Variants in AQP9 observed in about 807,000 individuals in gnomAD.
AQP9 encodes the protein aquaporin 9.
Under a neutral mutation model 23.8 loss-of-function variants are expected in AQP9, and 19 were observed. The observed-to-expected ratio is 0.80, with a 90% CI of 0.56 to 1.17. The LOEUF (loss-of-function observed/expected upper bound fraction) is 1.17. AQP9 is among the 50% of genes most tolerant of loss of function. The probability of loss-of-function intolerance (pLI) is 0.00; values close to 1 mark genes in which losing one functional copy is unlikely to be tolerated. For synonymous variants in AQP9, 153 were observed against 131.5 expected, an observed-to-expected ratio of 1.16 and a Z score of -1.12; for missense variants, 413 against 362.0, an observed-to-expected ratio of 1.14 and a Z score of -1.14.
At chr15:58,143,750 C>T (rs1372579442) in intron 1 of AQP9, among the ~76,000 whole-genome samples, 9 of 152,120 alleles carry the variant, frequency 5.9e-5, no homozygotes, top group African/African-American at 2.2e-4. Flanking sequence ...TTTATGTACC[C>T]ATCGCCCTCT....
chr15:58,158,594 G>C (rs1233320049), intron 1 of AQP9, among the ~76,000 whole-genome samples: 1 of 152,134 alleles, frequency 6.6e-6, no homozygotes, highest in African/African-American at 2.4e-5. Flanking sequence ...ACCCTAAACA[G>C]ATGAGTCAAG....
intron 1 of AQP9, among the ~76,000 whole-genome samples, chr15:58,143,670 T>C (rs952961835): frequency 1.3e-5 from 2 of 152,226 alleles, no homozygotes; most frequent in Non-Finnish European, 2.9e-5. Flanking sequence ...CTTATACATC[T>C]TCTCCAATTT....
At position 58,138,504 on chromosome 15, in the gene AQP9, G is replaced by A. The variant is rs1897895546; in HGVS notation, c.-62G>A. The A allele has an allele frequency of 7.3e-7, 1 of 1,365,898 alleles. No individual in the cohort carries two copies. Among genetic ancestry groups the A allele is most frequent in the Non-Finnish European group, 1.0e-6 (1 of 973,638 alleles). The allele number at this position is 1,365,898 out of a possible 1,614,324, so 84.6% of individuals were successfully genotyped here. ...AAAACGTCCATTTTCATCTGGCTGT[G>A]AAAGTGAGGACCACAACAGGTAGGT... On this transcript the variant is annotated 5_prime_UTR_variant, in exon 1 of 6. Transcript: ENST00000219919.
intron 2 of AQP9, among the ~76,000 whole-genome samples, chr15:58,168,365 C>T (rs2140619886): frequency 1.3e-5 from 2 of 152,232 alleles, no homozygotes; most frequent in Middle Eastern, 6.8e-3. Context: ...ATTTACAATG[C>T]TCTATTATGA....
intron 1 of AQP9, among the ~76,000 whole-genome samples, chr15:58,156,609 T>A (rs1220277926): frequency 6.6e-6 from 1 of 152,184 alleles, no homozygotes; most frequent in Non-Finnish European, 1.5e-5. Flanking sequence ...GCAGGAAAAC[T>A]GCAATCCCCT....
At chr15:58,159,482 G>A (rs1423823230) in intron 1 of AQP9, among the ~76,000 whole-genome samples, 3 of 151,966 alleles carry the variant, frequency 2.0e-5, no homozygotes, top group African/African-American at 7.3e-5. Flanking sequence ...GTGATCCATT[G>A]CCTTAAATAT....
At chr15:58,167,677 G>A (rs1435110232) in intron 2 of AQP9, among the ~76,000 whole-genome samples, 1 of 152,140 alleles carries the variant, frequency 6.6e-6, no homozygotes, top group Non-Finnish European at 1.5e-5. Context: ...CACATGATCT[G>A]CATGACAGTG....
intron 1 of AQP9, 50 bp from the exon 2 acceptor site, chr15:58,166,623 T>A (rs147983588): frequency 0.014 from 21,531 of 1,555,428 alleles, 200 homozygotes; most frequent in South Asian, 0.025. Flanking sequence ...TTCCATTACT[T>A]TTGACAGTAG....
chr15:58,179,436 A>G lies in AQP9; in HGVS notation c.713+91A>G, dbSNP rs1000358730. On this transcript the variant is annotated intron_variant, in intron 5 of 5. Transcript: ENST00000219919. ...TTGACATGGAGATCCAGGGAAGTTC[A>G]GATGACAGCGCCAACGTTAACTGCA... is the stretch of plus-strand genomic sequence containing the variant. 3 of 1,207,910 alleles carry G rather than the reference A, an allele frequency of 2.5e-6. No homozygotes were observed. The East Asian group carries it at 7.7e-5, about 31-fold the overall frequency. 74.8% of individuals were successfully genotyped at this position (1,207,910 alleles called of 1,614,324 possible). A position where few individuals can be genotyped will look rare whatever the true frequency, so the allele number is the denominator to read the frequency against.
intron 1 of AQP9, among the ~76,000 whole-genome samples, chr15:58,141,798 T>A (rs1376715378): frequency 6.6e-6 from 1 of 152,208 alleles, no homozygotes; most frequent in Non-Finnish European, 1.5e-5. Flanking sequence ...GGCTTTAAAA[T>A]TATTATTACA....
At chr15:58,178,539 A>C (rs1204298672) in intron 4 of AQP9, among the ~76,000 whole-genome samples, 1 of 152,232 alleles carries the variant, frequency 6.6e-6, no homozygotes, top group Non-Finnish European at 1.5e-5. Flanking sequence ...ATTTCCTTTT[A>C]AAAGCATAGT....
At chr15:58,143,336 C>A (rs1360189922) in intron 1 of AQP9, among the ~76,000 whole-genome samples, 1 of 152,144 alleles carries the variant, frequency 6.6e-6, no homozygotes, top group East Asian at 1.9e-4. Flanking sequence ...ATGACGAGGA[C>A]AAGAGAGGGC....
intron 1 of AQP9, 98 bp from the exon 2 acceptor site, chr15:58,166,575 T>C: frequency 6.8e-7 from 1 of 1,465,386 alleles, no homozygotes; most frequent in Non-Finnish European, 9.2e-7. Flanking sequence ...GGCAACCCAA[T>C]CCATGACTTT....
chr15:58,184,093 T>C lies in AQP9; in HGVS notation c.846T>C (p.Ser282=), dbSNP rs367638674. 5.9e-5 allele frequency: 95 copies of C among 1,614,080 alleles called. No individual in the cohort carries two copies. Among genetic ancestry groups the C allele is most frequent in the East Asian group, 4.7e-4 (21 of 44,872 alleles). The change falls in exon 6 of 6, where the codon TCT becomes TCC. Residue 282 remains serine, a synonymous_variant. Coordinates refer to ENST00000219919, the MANE Select transcript of AQP9 (RefSeq NM_020980.5). ...EPDSVFKTEQ[S]EDKPEKYELS... ...ACTCAGTCTTTAAGACAGAACAATC[T>C]GAGGACAAACCAGAGAAATATGAAC...
At chr15:58,153,961 G>A (rs1047300992) in intron 1 of AQP9, 2 of 151,878 alleles carry the variant, frequency 1.3e-5, no homozygotes, top group Non-Finnish European at 2.9e-5. Flanking sequence ...CCTAATAATC[G>A]GCAGTATCTT....
intron 1 of AQP9, among the ~76,000 whole-genome samples, chr15:58,148,115 G>A (rs1898082038): frequency 6.6e-6 from 1 of 152,132 alleles, no homozygotes; most frequent in African/African-American, 2.4e-5. Context: ...CCATGAGAGA[G>A]CTCACCCAGT....
upstream of AQP9, chr15:58,138,294 C>A: frequency 4.0e-6 from 1 of 251,942 alleles, no homozygotes; most frequent in Non-Finnish European, 7.7e-6. Flanking sequence ...AATGATTAAT[C>A]TGTCAGGCAC....
chr15:58,141,210 A>G (rs116829156), intron 1 of AQP9, among the ~76,000 whole-genome samples: 22 of 152,210 alleles, frequency 1.4e-4, no homozygotes, highest in Non-Finnish European at 2.6e-4. Context: ...CACAGGGACT[A>G]TGCTCACTCC....
intron 4 of AQP9, among the ~76,000 whole-genome samples, chr15:58,177,701 T>C (rs8035112): frequency 0.22 from 33,274 of 152,112 alleles, 3,942 homozygotes; most frequent in Middle Eastern, 0.32. Context: ...CTCACAGCAT[T>C]ACTGTGAAGT....
Sources: gnomAD v4.1 joint callset for allele counts (sites outside exome capture counted in the v4.1 genomes callset) on GRCh38, gnomAD v4.1.1 for gene constraint, MANE v1.5 for transcripts, NCBI Gene and HGNC (gene_info 2026-07-23, HGNC 2026-07-21) for gene names.